The following TENM1 variants were observed in gnomAD, a reference collection of about 807,000 sequenced individuals.
TENM1 encodes the protein teneurin-1.
Under a neutral mutation model 174.8 loss-of-function variants are expected in TENM1, and 35 were observed. The observed-to-expected ratio is 0.20, with a 90% CI of 0.15 to 0.27. TENM1 has a LOEUF of 0.27. Among genes scored for constraint, TENM1 ranks in the 10% least tolerant of loss-of-function variants. TENM1 has a pLI of 1.00. For missense variants in TENM1, 1,633 were observed against 2,130.1 expected (o/e 0.77, Z 4.59); for synonymous variants, 781 against 798.7 (o/e 0.98, Z 0.37).
At chrX:124,820,842 C>T (rs1685821981) in intron 3 of TENM1, among the ~76,000 whole-genome samples, 1 of 112,370 alleles carries the variant, frequency 8.9e-6, no homozygotes, top group African/African-American at 3.2e-5. Flanking sequence ...CAGGCCAGTT[C>T]TTGCCTTCTG....
At chrX:125,006,207 C>T in the TENM1 span, among the ~76,000 whole-genome samples, 1 of 111,868 alleles carries the variant, frequency 8.9e-6, no homozygotes, top group Non-Finnish European at 1.9e-5. Context: ...ATTATTGTAG[C>T]TTTAGTAGGT....
chrX:124,998,510 G>A, the TENM1 span, among the ~76,000 whole-genome samples: 1 of 109,869 alleles, frequency 9.1e-6, no homozygotes, highest in Non-Finnish European at 1.9e-5. Flanking sequence ...TAGTATTAAC[G>A]ATGATAGCAG....
rs191608746 is a variant in TENM1, at chrX:124,720,136, T to C, written c.777-14885A>G. 9.5e-4 allele frequency among the ~76,000 whole-genome samples: 106 copies of C among 111,850 alleles called. No homozygotes were observed. The Admixed American group carries it at 9.9e-3, about 10-fold the overall frequency. On this transcript the variant is annotated intron_variant, in intron 4 of 31. Transcript: ENST00000422452. The stretch of plus-strand genomic sequence containing the variant: ...ATTCGAAGGCCCCAAATCATCCGAA[T>C]GGACCCCTCCTCTTGGCCAAGGGCA...
the TENM1 span, among the ~76,000 whole-genome samples, chrX:125,141,475 A>G: frequency 9.0e-6 from 1 of 111,608 alleles, no homozygotes; most frequent in African/African-American, 3.3e-5. Context: ...AGGTACCTCT[A>G]TATTCTTTTA....
the TENM1 span, among the ~76,000 whole-genome samples, chrX:125,152,658 T>A: frequency 8.9e-6 from 1 of 112,360 alleles, no homozygotes; most frequent in Non-Finnish European, 1.9e-5. Context: ...CCAAGTTTAT[T>A]GCCACACAAA....
the TENM1 span, among the ~76,000 whole-genome samples, chrX:125,199,978 A>G: frequency 1.8e-5 from 2 of 111,491 alleles, no homozygotes; most frequent in South Asian, 7.4e-4. Context: ...CAAAATCTCT[A>G]TACATTATAT....
rs1460561539 is a variant in TENM1 at position 124,886,544 on chromosome X, T to TAGAGAGAG, written c.535+7751_535+7752insCTCTCTCT. Among the ~76,000 whole-genome samples the TAGAGAGAG allele has an allele frequency of 8.5e-4, 72 of 84,387 alleles. 1 individual carries two copies. Among genetic ancestry groups the TAGAGAGAG allele is most frequent in the African/African-American group, 3.5e-3 (72 of 20,627 alleles). The allele number at this position is 84,387 out of a possible 115,157, so 73.3% of individuals were successfully genotyped here. ...ATACATATATATATATATATATATA[T>TAGAGAGAG]ATATAGAGAGAGAGAGAGAGAGAGA... On this transcript the variant is annotated intron_variant, in intron 3 of 31. Transcript: ENST00000422452.
intron 1 of TENM1, among the ~76,000 whole-genome samples, chrX:124,942,016 C>G (rs1332925367): frequency 9.0e-6 from 1 of 111,324 alleles, no homozygotes; most frequent in Non-Finnish European, 1.9e-5. Context: ...GGAGAAACTG[C>G]CCCCATGATT....
intron 18 of TENM1, among the ~76,000 whole-genome samples, chrX:124,519,419 C>A (rs1231476691): frequency 9.0e-6 from 1 of 110,951 alleles, no homozygotes; most frequent in Non-Finnish European, 1.9e-5. Flanking sequence ...CTCTCTTTCT[C>A]TTTCCCTCTG....
chrX:125,182,574 C>A, the TENM1 span, among the ~76,000 whole-genome samples: 1 of 109,978 alleles, frequency 9.1e-6, no homozygotes, highest in Non-Finnish European at 1.9e-5. Flanking sequence ...ATCTTTTAAA[C>A]TTATTTTAAA....
intron 15 of TENM1, among the ~76,000 whole-genome samples, chrX:124,542,352 T>C (rs2048338595): frequency 9.0e-6 from 1 of 111,597 alleles, no homozygotes; most frequent in Non-Finnish European, 1.9e-5. Flanking sequence ...TTGTACATCC[T>C]AGGGTGAACC....
At chrX:125,058,773 G>T in the TENM1 span, among the ~76,000 whole-genome samples, 6 of 110,943 alleles carry the variant, frequency 5.4e-5, no homozygotes, top group African/African-American at 1.6e-4. Context: ...GGAATGGGGT[G>T]GGGGTAAGTG....
Position 124,752,810 on chromosome X carries a change from C to T in TENM1, c.536-15613G>A, listed in dbSNP as rs763905780. 7.4e-3 allele frequency among the ~76,000 whole-genome samples: 816 copies of T among 109,761 alleles called. 10 individuals carry two copies. The highest frequency in any genetic ancestry group is 0.01 in the Non-Finnish European group (526 of 52,479). On this transcript the variant is annotated intron_variant, in intron 3 of 31. Transcript: ENST00000422452. ...CAAAGATCAGATAGTTGTAGATATG[C>T]AGCATTATTTCTGAGGGCTCTGTTC...
the TENM1 span, among the ~76,000 whole-genome samples, chrX:125,082,039 TA>T: frequency 2.7e-5 from 3 of 110,642 alleles, no homozygotes; most frequent in Admixed American, 2.9e-4. Flanking sequence ...ACTTAATGGG[TA>T]CAAGGTATGT....
intron 8 of TENM1, among the ~76,000 whole-genome samples, chrX:124,649,534 C>T (rs1426937697): frequency 8.9e-6 from 1 of 112,240 alleles, no homozygotes; most frequent in Non-Finnish European, 1.9e-5. Context: ...AACAAGATAA[C>T]TGAGTGTAAA....
At chrX:124,492,575 T>A (rs766698021) in intron 20 of TENM1, among the ~76,000 whole-genome samples, 1 of 110,790 alleles carries the variant, frequency 9.0e-6, no homozygotes, top group Non-Finnish European at 1.9e-5. Context: ...TGACAGCTAA[T>A]GTGTGCTGAC....
intron 11 of TENM1, among the ~76,000 whole-genome samples, chrX:124,626,776 G>T (rs1263960166): frequency 8.9e-6 from 1 of 111,889 alleles, no homozygotes; most frequent in East Asian, 2.8e-4. Flanking sequence ...CCATGAAGCA[G>T]TGTTTTAGAG....
the TENM1 span, among the ~76,000 whole-genome samples, chrX:125,037,724 C>T: frequency 6.3e-5 from 7 of 111,623 alleles, no homozygotes; most frequent in African/African-American, 1.9e-4. Flanking sequence ...CAAATACTTA[C>T]AGACAGTTCT....
intron 1 of TENM1, among the ~76,000 whole-genome samples, chrX:124,916,196 A>G (rs923493202): frequency 1.2e-4 from 13 of 111,947 alleles, no homozygotes; most frequent in African/African-American, 3.9e-4. Context: ...TTTGTATTGC[A>G]GTCTTTGCCA....
Sources: gnomAD v4.1 joint callset for allele counts (sites outside exome capture counted in the v4.1 genomes callset) on GRCh38, gnomAD v4.1.1 for gene constraint, MANE v1.5 for transcripts, NCBI Gene and HGNC (gene_info 2026-07-23, HGNC 2026-07-21) for gene names.